Variants in MEF2C observed in about 807,000 individuals in gnomAD.
MEF2C encodes myocyte-specific enhancer factor 2C.
In MEF2C, 6 loss-of-function variants were observed where a neutral mutation model predicts 50.5. The observed-to-expected ratio is 0.12, with a 90% CI of 0.07 to 0.23. The LOEUF (loss-of-function observed/expected upper bound fraction) is 0.23. Ranked by LOEUF, MEF2C falls within the 10% of genes least tolerant of loss-of-function variation. MEF2C has a pLI of 1.00. For missense variants in MEF2C, 276 were observed against 605.0 expected (o/e 0.46, Z 5.70); for synonymous variants, 183 against 228.0 (o/e 0.80, Z 1.78).
intron 7 of MEF2C, among the ~76,000 whole-genome samples, chr5:88,730,545 G>A (rs574212665): frequency 6.6e-5 from 10 of 152,198 alleles, no homozygotes; most frequent in African/African-American, 2.4e-4. Context: ...TGGAGGAAGG[G>A]GAGCTACACA....
intron 6 of MEF2C, among the ~76,000 whole-genome samples, chr5:88,748,437 T>G (rs1018000785): frequency 2.6e-5 from 4 of 152,208 alleles, no homozygotes; most frequent in African/African-American, 9.7e-5. Flanking sequence ...ATGACATCGA[T>G]ATCTCAATAA....
At chr5:88,804,206 G>T (rs1799448239) in intron 3 of MEF2C, among the ~76,000 whole-genome samples, 1 of 152,170 alleles carries the variant, frequency 6.6e-6, no homozygotes, top group Non-Finnish European at 1.5e-5. Context: ...CTTTGATGAT[G>T]CCGGGAAACT....
intron 1 of MEF2C, among the ~76,000 whole-genome samples, chr5:88,859,304 A>T (rs1286834820): frequency 6.6e-6 from 1 of 152,214 alleles, no homozygotes; most frequent in Non-Finnish European, 1.5e-5. Context: ...ACATAATGGT[A>T]TGTTAGAGTC....
intron 3 of MEF2C, among the ~76,000 whole-genome samples, chr5:88,799,228 C>T (rs1217908361): frequency 6.6e-6 from 1 of 152,194 alleles, no homozygotes; most frequent in Non-Finnish European, 1.5e-5. Flanking sequence ...TTTAAGTCTG[C>T]TGAAGCTGCG....
intron 1 of MEF2C, among the ~76,000 whole-genome samples, chr5:88,829,953 T>C (rs936219930): frequency 1.3e-5 from 2 of 151,978 alleles, no homozygotes; most frequent in Non-Finnish European, 2.9e-5. Flanking sequence ...GCTCGTATGA[T>C]TGCTTCCGTT....
chr5:88,768,228 C>A lies in MEF2C; in HGVS notation c.259-6900G>T, dbSNP rs184827841. ...CTAGATTGAGAGGTCCTTAACAAAG[C>A]ACTTTGCTTTATTCACTTTGGAGTT... is the stretch of plus-strand genomic sequence containing the variant. On this transcript the variant is annotated intron_variant, in intron 3 of 10. Coordinates refer to ENST00000504921, the MANE Select transcript of MEF2C (RefSeq NM_002397.5). 3.9e-4 allele frequency among the ~76,000 whole-genome samples: 59 copies of A among 152,278 alleles called. No individual in the cohort carries two copies. In the Middle Eastern group the frequency reaches 0.01, roughly 27 times the overall value.
intron 6 of MEF2C, among the ~76,000 whole-genome samples, chr5:88,732,105 TGAG>T (rs1761932194): frequency 6.6e-6 from 1 of 152,184 alleles, no homozygotes; most frequent in African/African-American, 2.4e-5. Flanking sequence ...AAACTTTTTA[TGAG>T]AAGAGAGCCA....
intron 3 of MEF2C, among the ~76,000 whole-genome samples, chr5:88,802,526 G>A (rs1192435968): frequency 6.6e-6 from 1 of 152,138 alleles, no homozygotes; most frequent in Non-Finnish European, 1.5e-5. Flanking sequence ...GGCTCACTGA[G>A]GCCTTGACCT....
chr5:88,892,818 C>G (rs1834737886), intron 1 of MEF2C, among the ~76,000 whole-genome samples: 1 of 152,180 alleles, frequency 6.6e-6, no homozygotes, highest in African/African-American at 2.4e-5. Context: ...CAGTCTCCCC[C>G]TAGCTTGAAT....
chr5:88,739,848 T>C (rs1238353114), intron 6 of MEF2C: 11 of 985,232 alleles, frequency 1.1e-5, no homozygotes, highest in Non-Finnish European at 1.3e-5. Flanking sequence ...ATATGCTTAA[T>C]GTAGAAAGGG....
chr5:88,761,956 T>C (rs1580268520), intron 3 of MEF2C: 1 of 151,990 alleles, frequency 6.6e-6, no homozygotes, highest in East Asian at 1.9e-4. Context: ...GAAAATCTTA[T>C]CAAAATTTAT....
At chr5:88,743,767 T>C in intron 6 of MEF2C, 2 of 985,352 alleles carry the variant, frequency 2.0e-6, no homozygotes, top group Non-Finnish European at 2.4e-6. Flanking sequence ...CTCCATGTAT[T>C]TAGCTGACAT....
intron 6 of MEF2C, chr5:88,735,291 C>T (rs974211486): frequency 2.4e-5 from 24 of 985,184 alleles, no homozygotes; most frequent in South Asian, 9.4e-5. Context: ...TTCAGGGGTC[C>T]GGGAGGTGGG....
At chr5:88,816,241 C>T (rs1805290016) in intron 2 of MEF2C, among the ~76,000 whole-genome samples, 1 of 151,888 alleles carries the variant, frequency 6.6e-6, no homozygotes, top group Admixed American at 6.6e-5. Flanking sequence ...GGAGTTGGAG[C>T]AATATCTTTC....
intron 6 of MEF2C, chr5:88,734,489 GT>G: frequency 4.1e-6 from 4 of 979,866 alleles, no homozygotes; most frequent in Non-Finnish European, 4.8e-6. Flanking sequence ...CGTGAAATGT[GT>G]TGTCCTGTGA....
At chr5:88,874,977 A>T (rs1830629919) in intron 1 of MEF2C, among the ~76,000 whole-genome samples, 1 of 151,968 alleles carries the variant, frequency 6.6e-6, no homozygotes, top group Non-Finnish European at 1.5e-5. Flanking sequence ...CACCTCATAC[A>T]AATGAGAATT....
chr5:88,894,239 G>A (rs931925464), intron 1 of MEF2C, among the ~76,000 whole-genome samples: 1 of 152,060 alleles, frequency 6.6e-6, no homozygotes, highest in South Asian at 2.1e-4. Context: ...GACCTGCCCA[G>A]GGCCACATAG....
chr5:88,753,771 A>T (rs1413125083), intron 4 of MEF2C, among the ~76,000 whole-genome samples: 1 of 152,218 alleles, frequency 6.6e-6, no homozygotes, highest in Non-Finnish European at 1.5e-5. Context: ...GGATTTATCT[A>T]CAGTAAACAG....
chr5:88,861,739 T>C (rs555093319), intron 1 of MEF2C, among the ~76,000 whole-genome samples: 2 of 152,206 alleles, frequency 1.3e-5, no homozygotes, highest in Non-Finnish European at 2.9e-5. Flanking sequence ...GGGTTTTCAG[T>C]TGTATTTAAA....
Sources: allele counts gnomAD v4.1 joint callset (sites outside exome capture counted in the v4.1 genomes callset), GRCh38; gene constraint gnomAD v4.1.1; transcripts MANE v1.5; gene names NCBI Gene and HGNC (gene_info 2026-07-23, HGNC 2026-07-21).